ULK4: variants seen among roughly 807,000 people sequenced by gnomAD.
ULK4 encodes unc-51 like kinase 4.
Under a neutral mutation model 160.6 loss-of-function variants are expected in ULK4, and 133 were observed. The observed-to-expected ratio is 0.83, with a 90% CI of 0.72 to 0.96. The LOEUF is 0.96. Among genes scored for constraint, ULK4 ranks in the 40% least tolerant of loss-of-function variants. The probability of loss-of-function intolerance (pLI) is 0.00; values close to 1 mark genes in which losing one functional copy is unlikely to be tolerated. For synonymous variants in ULK4, 534 were observed against 539.8 expected (o/e 0.99, Z 0.15); for missense variants, 1,580 against 1,499.5 (o/e 1.05, Z -0.89).
At chr3:41,527,141 G>C (rs1315766538) in intron 32 of ULK4, among the ~76,000 whole-genome samples, 1 of 152,220 alleles carries the variant, frequency 6.6e-6, no homozygotes, top group Non-Finnish European at 1.5e-5. Context: ...CAGCCCTCCT[G>C]TAAGGACAGA....
In ULK4 at chr3:41,333,851, C is replaced by T. The variant is rs1042791732; in HGVS notation, c.3678+64228G>A. Among the ~76,000 whole-genome samples the T allele has an allele frequency of 2.0e-5, 3 of 152,108 alleles. 1 individual carries two copies. The highest frequency in any genetic ancestry group is 1.3e-4 in the Admixed American group (2 of 15,266). The stretch of plus-strand genomic sequence containing the variant: ...GACTCAGTGATTCAGTTAGTCTGGA[C>T]TGTGGCTCAACTGACTCCAAAGAAG... On this transcript the variant is annotated intron_variant, in intron 35 of 36. Coordinates refer to ENST00000301831, the MANE Select transcript of ULK4 (RefSeq NM_017886.4).
At chr3:41,438,296 G>C (rs528569651) in intron 34 of ULK4, among the ~76,000 whole-genome samples, 1 of 152,012 alleles carries the variant, frequency 6.6e-6, no homozygotes, top group Admixed American at 6.5e-5. Context: ...TTTGTAACCA[G>C]ATTTTGGCAC....
intron 23 of ULK4, among the ~76,000 whole-genome samples, chr3:41,717,471 T>C (rs1286759627): frequency 1.3e-5 from 2 of 152,182 alleles, no homozygotes; most frequent in Admixed American, 6.5e-5. Flanking sequence ...TTTTGTATAT[T>C]TTCTAAAATG....
At chr3:41,671,015 A>G (rs2035520038) in intron 29 of ULK4, among the ~76,000 whole-genome samples, 1 of 152,130 alleles carries the variant, frequency 6.6e-6, no homozygotes, top group African/African-American at 2.4e-5. Flanking sequence ...ATGATTAAGT[A>G]AAGGAAAAAA....
At chr3:41,609,927 T>C (rs2032585858) in intron 31 of ULK4, among the ~76,000 whole-genome samples, 1 of 151,116 alleles carries the variant, frequency 6.6e-6, no homozygotes, top group Non-Finnish European at 1.5e-5. Flanking sequence ...TAAGCTATCA[T>C]CGTGCCACTG....
chr3:41,820,034 C>T lies in ULK4; in HGVS notation c.1765-528G>A, dbSNP rs560086719. On this transcript the variant is annotated intron_variant, in intron 18 of 36. Coordinates refer to ENST00000301831, the MANE Select transcript of ULK4 (RefSeq NM_017886.4). ...TAATGACATGAGCAATAATTCTCTC[C>T]CAGAAGATTAACCAAATTAGTGTAA... Among the ~76,000 whole-genome samples the T allele has an allele frequency of 2.6e-5, 4 of 152,072 alleles. No individual in the cohort carries two copies. The East Asian group carries it at 7.7e-4, about 29-fold the overall frequency.
intron 32 of ULK4, among the ~76,000 whole-genome samples, chr3:41,473,022 A>G (rs2084033118): frequency 6.6e-6 from 1 of 152,228 alleles, no homozygotes. Context: ...TAATCAATAG[A>G]TGCATAGAAA....
chr3:41,662,921 A>T (rs1012895524), intron 30 of ULK4, among the ~76,000 whole-genome samples: 6 of 147,110 alleles, frequency 4.1e-5, no homozygotes, highest in South Asian at 4.3e-4. Context: ...AATAAAAAAT[A>T]AAAAAAAAAA....
At chr3:41,937,149 G>A (rs201890838) in intron 3 of ULK4, 2 of 339,596 alleles carry the variant, frequency 5.9e-6, no homozygotes, top group Admixed American at 4.8e-5. Context: ...ATGAAGGGAA[G>A]AGGTATTTGG....
intron 35 of ULK4, among the ~76,000 whole-genome samples, chr3:41,349,759 C>A (rs56138736): frequency 0.049 from 7,414 of 152,162 alleles, 427 homozygotes; most frequent in East Asian, 0.2. Flanking sequence ...CACACACATA[C>A]GGCATGTAAG....
chr3:41,282,075 C>T (rs1209084067), intron 35 of ULK4, among the ~76,000 whole-genome samples: 1 of 152,036 alleles, frequency 6.6e-6, no homozygotes, highest in African/African-American at 2.4e-5. Context: ...AATAAAATAC[C>T]TAGGAATCCA....
chr3:41,543,772 C>A (rs1301322431), intron 32 of ULK4, among the ~76,000 whole-genome samples: 1 of 152,066 alleles, frequency 6.6e-6, no homozygotes, highest in Non-Finnish European at 1.5e-5. Flanking sequence ...TTCAAATTAG[C>A]TGACTCTTTT....
At position 41,911,403 on chromosome 3, in the gene ULK4, A is replaced by G. The variant is rs759546132; in HGVS notation, c.1016-17T>C. On this transcript the variant is annotated splice_polypyrimidine_tract_variant and intron_variant, in intron 10 of 36. Coordinates refer to ENST00000301831, the MANE Select transcript of ULK4 (RefSeq NM_017886.4). ...TTGGATTTTCTGTAGCAGGAAAGTA[A>G]TATGTTATCCAGAAAAGAACAAAAA... 5 of 1,613,584 alleles carry G rather than the reference A, an allele frequency of 3.1e-6. No individual in the cohort carries two copies. In the South Asian group the frequency reaches 4.4e-5, roughly 14 times the overall value.
chr3:41,374,221 G>A (rs968878299), intron 35 of ULK4, among the ~76,000 whole-genome samples: 2 of 152,120 alleles, frequency 1.3e-5, no homozygotes, highest in South Asian at 2.1e-4. Context: ...AAGAGGAGCC[G>A]GTACCTTTCC....
At chr3:41,816,590 G>A (rs1282302848) in intron 19 of ULK4, among the ~76,000 whole-genome samples, 1 of 152,082 alleles carries the variant, frequency 6.6e-6, no homozygotes, top group Non-Finnish European at 1.5e-5. Context: ...CGAGGGAGGT[G>A]GATTCCTAGA....
intron 35 of ULK4, among the ~76,000 whole-genome samples, chr3:41,352,856 T>G (rs1277060359): frequency 6.6e-6 from 1 of 152,190 alleles, no homozygotes; most frequent in African/African-American, 2.4e-5. Context: ...AGCGTGAACC[T>G]TCAAGGTCAA....
At chr3:41,926,767 T>G (rs1295009142) in intron 5 of ULK4, among the ~76,000 whole-genome samples, 3 of 149,454 alleles carry the variant, frequency 2.0e-5, no homozygotes, top group Non-Finnish European at 4.4e-5. Flanking sequence ...AAGATCAACT[T>G]AATGAAATAA....
chr3:41,410,165 C>A (rs1477917028), intron 34 of ULK4, among the ~76,000 whole-genome samples: 1 of 151,998 alleles, frequency 6.6e-6, no homozygotes, highest in African/African-American at 2.4e-5. Context: ...TACTATATGA[C>A]CCAGCTCCCA....
intron 35 of ULK4, among the ~76,000 whole-genome samples, chr3:41,299,619 G>A (rs2079742347): frequency 6.6e-6 from 1 of 152,186 alleles, no homozygotes; most frequent in Non-Finnish European, 1.5e-5. Flanking sequence ...ATATTTAACT[G>A]AAAGAGTTGG....
Sources: gnomAD v4.1 joint callset for allele counts (sites outside exome capture counted in the v4.1 genomes callset) on GRCh38, gnomAD v4.1.1 for gene constraint, MANE v1.5 for transcripts, NCBI Gene and HGNC (gene_info 2026-07-23, HGNC 2026-07-21) for gene names.